SOX6: variants seen among roughly 807,000 people sequenced by gnomAD.
The protein encoded by SOX6 is SRY-box transcription factor 6.
Under a neutral mutation model 97.8 loss-of-function variants are expected in SOX6, and 11 were observed. The observed-to-expected ratio is 0.11, with a 90% CI of 0.07 to 0.19. The LOEUF (loss-of-function observed/expected upper bound fraction) is 0.19. Ranked by LOEUF, SOX6 falls within the 10% of genes least tolerant of loss-of-function variation. The pLI, the probability that SOX6 is intolerant of heterozygous loss-of-function variation, is 1.00. For synonymous variants in SOX6, 360 were observed against 371.4 expected (o/e 0.97, Z 0.35); for missense variants, 810 against 1,039.5 (o/e 0.78, Z 3.04).
intron 1 of SOX6, among the ~76,000 whole-genome samples, chr11:16,449,370 G>A (rs1176889083): frequency 1.6e-5 from 2 of 126,974 alleles, no homozygotes; most frequent in Non-Finnish European, 3.1e-5. Context: ...TCGGCTCACT[G>A]CAAGCTCCGC....
At chr11:16,333,818 A>T (rs953655667) in intron 2 of SOX6, among the ~76,000 whole-genome samples, 1 of 152,208 alleles carries the variant, frequency 6.6e-6, no homozygotes, top group African/African-American at 2.4e-5. Flanking sequence ...CACTTTGGTC[A>T]TATAGAAGTA....
intron 9 of SOX6, among the ~76,000 whole-genome samples, chr11:16,075,857 G>C (rs1590179471): frequency 6.6e-6 from 1 of 151,924 alleles, no homozygotes; most frequent in East Asian, 1.9e-4. Context: ...ACAAAAGTGT[G>C]TGTGGAGGGG....
At chr11:16,632,521 C>T (rs988152228) in intron 3 of SOX6, among the ~76,000 whole-genome samples, 2 of 152,164 alleles carry the variant, frequency 1.3e-5, no homozygotes, top group Non-Finnish European at 2.9e-5. Flanking sequence ...CTGATTCCTG[C>T]GCAGTGGTCT....
chr11:16,545,206 T>C (rs762716016), intron 4 of SOX6, among the ~76,000 whole-genome samples: 3 of 151,914 alleles, frequency 2.0e-5, no homozygotes, highest in South Asian at 2.1e-4. Flanking sequence ...AAGAAATGAA[T>C]AGGCCATATA....
At chr11:16,303,809 G>A (rs1855336813) in intron 3 of SOX6, among the ~76,000 whole-genome samples, 2 of 152,124 alleles carry the variant, frequency 1.3e-5, no homozygotes, top group African/African-American at 4.8e-5. Context: ...TCAGCATTTT[G>A]TAATTTCAGC....
At chr11:16,144,953 T>A (rs369031629) in intron 6 of SOX6, among the ~76,000 whole-genome samples, 1 of 152,088 alleles carries the variant, frequency 6.6e-6, no homozygotes, top group Non-Finnish European at 1.5e-5. Context: ...CCTTCTGAAA[T>A]TATTCCAATC....
intron 4 of SOX6, among the ~76,000 whole-genome samples, chr11:16,198,025 CTGTTGTTGTTGTTGTTGTTGTTGT>C (rs66685848): frequency 4.0e-5 from 6 of 150,002 alleles, no homozygotes; most frequent in South Asian, 4.3e-4. Flanking sequence ...TCAAGATTTC[CTGTTGTTGTTGTTGTTGTTGTTGT>C]TGTTGTTGTT....
chr11:16,349,712 G>A (rs867511819), intron 1 of SOX6, among the ~76,000 whole-genome samples: 87 of 51,646 alleles, frequency 1.7e-3, no homozygotes, highest in Admixed American at 6.1e-3. Context: ...AAGGAAGGAA[G>A]GAAGAAGGAA....
chr11:16,212,296 C>T (rs570659322), intron 4 of SOX6, among the ~76,000 whole-genome samples: 2 of 152,160 alleles, frequency 1.3e-5, no homozygotes, highest in Non-Finnish European at 2.9e-5. Flanking sequence ...ATTTTTTTAA[C>T]ATTTAATCCA....
chr11:16,136,604 T>A (rs1001231456), intron 6 of SOX6, among the ~76,000 whole-genome samples: 19 of 152,176 alleles, frequency 1.2e-4, no homozygotes, highest in South Asian at 4.1e-4. Flanking sequence ...ACTAATTTTT[T>A]AAAAAATTTA....
At chr11:16,619,494 G>A (rs781655418) in intron 3 of SOX6, among the ~76,000 whole-genome samples, 14 of 151,968 alleles carry the variant, frequency 9.2e-5, no homozygotes, top group African/African-American at 3.1e-4. Flanking sequence ...TATCCACGAT[G>A]TCTTTCATTT....
chr11:16,406,953 C>A (rs930121636), intron 1 of SOX6, among the ~76,000 whole-genome samples: 1 of 152,060 alleles, frequency 6.6e-6, no homozygotes, highest in African/African-American at 2.4e-5. Flanking sequence ...CATTGACTTC[C>A]AATTTAAAAA....
intron 4 of SOX6, among the ~76,000 whole-genome samples, chr11:16,534,499 G>A (rs2133171928): frequency 6.6e-6 from 1 of 152,182 alleles, no homozygotes; most frequent in East Asian, 1.9e-4. Flanking sequence ...CAGTTTTATA[G>A]TCTTTGGAAA....
intron 4 of SOX6, among the ~76,000 whole-genome samples, chr11:16,548,409 C>T (rs1256414561): frequency 3.3e-5 from 5 of 152,020 alleles, no homozygotes; most frequent in African/African-American, 7.2e-5. Flanking sequence ...AAAAGATAGT[C>T]GTGAATAATT....
chr11:16,363,872 A>G (rs1301144276), intron 1 of SOX6, among the ~76,000 whole-genome samples: 2 of 152,240 alleles, frequency 1.3e-5, no homozygotes, highest in Non-Finnish European at 2.9e-5. Flanking sequence ...AACTAACCAG[A>G]TAAGCATGGA....
chr11:16,576,505 G>T (rs1222742884), intron 4 of SOX6, among the ~76,000 whole-genome samples: 1 of 152,180 alleles, frequency 6.6e-6, no homozygotes, highest in East Asian at 1.9e-4. Flanking sequence ...ATAAAATAAT[G>T]TTGTCATTGT....
chr11:15,996,198 T>A (rs1456643007), intron 13 of SOX6, among the ~76,000 whole-genome samples: 1 of 152,204 alleles, frequency 6.6e-6, no homozygotes, highest in Admixed American at 6.5e-5. Flanking sequence ...AACAATAGCA[T>A]ATTACCACAA....
chr11:16,490,067 T>A (rs1343410567), intron 4 of SOX6, among the ~76,000 whole-genome samples: 1 of 152,132 alleles, frequency 6.6e-6, no homozygotes, highest in Non-Finnish European at 1.5e-5. Context: ...AAGTGTTCAA[T>A]AATTTTTGGC....
intron 4 of SOX6, among the ~76,000 whole-genome samples, chr11:16,595,603 CAAAAAAAAAA>C (rs10712410): frequency 1.8e-5 from 2 of 113,872 alleles, no homozygotes; most frequent in Admixed American, 9.1e-5. Context: ...CCACCTCTAC[CAAAAAAAAAA>C]AAAAAAAAAA....
Sources: gnomAD v4.1 joint callset for allele counts (sites outside exome capture counted in the v4.1 genomes callset) on GRCh38, gnomAD v4.1.1 for gene constraint, MANE v1.5 for transcripts, NCBI Gene and HGNC (gene_info 2026-07-23, HGNC 2026-07-21) for gene names.